The following CPA6 variants were observed in gnomAD, a reference collection of about 807,000 sequenced individuals.
CPA6 encodes carboxypeptidase B.
In CPA6, 58 loss-of-function variants were observed where a neutral mutation model predicts 63.3. The ratio of observed to expected loss-of-function variants is 0.92; its 90% CI spans 0.74 to 1.14. The LOEUF is 1.14. Among genes scored for constraint, CPA6 ranks in the 50% most tolerant of loss-of-function variants. The pLI, the probability that CPA6 is intolerant of heterozygous loss-of-function variation, is 0.00. For synonymous variants in CPA6, 185 were observed against 179.0 expected, an observed-to-expected ratio of 1.03 and a Z score of -0.27; for missense variants, 565 against 526.6, an observed-to-expected ratio of 1.07 and a Z score of -0.71.
chr8:67,475,469 A>G (rs913654716), intron 8 of CPA6, among the ~76,000 whole-genome samples: 3 of 152,254 alleles, frequency 2.0e-5, no homozygotes, highest in Non-Finnish European at 4.4e-5. Context: ...ACAGTTCTCA[A>G]AAATGTTCCT....
chr8:67,558,701 A>G (rs889042322), intron 2 of CPA6, among the ~76,000 whole-genome samples: 8 of 150,746 alleles, frequency 5.3e-5, no homozygotes, highest in Non-Finnish European at 7.4e-5. Context: ...AGACACTGTC[A>G]ATACAAGAGT....
At chr8:67,544,542 A>G (rs989290770) in intron 2 of CPA6, among the ~76,000 whole-genome samples, 15 of 152,356 alleles carry the variant, frequency 9.8e-5, no homozygotes, top group African/African-American at 3.6e-4. Flanking sequence ...CACCAAAAAC[A>G]GATGTCCCAT....
chr8:67,514,251 C>T (rs1812099727), intron 3 of CPA6, among the ~76,000 whole-genome samples: 1 of 152,042 alleles, frequency 6.6e-6, no homozygotes, highest in Admixed American at 6.6e-5. Flanking sequence ...AGCCACCACG[C>T]CTGATCAAAA....
chr8:67,565,854 A>G (rs371860578), intron 2 of CPA6, among the ~76,000 whole-genome samples: 3 of 152,262 alleles, frequency 2.0e-5, no homozygotes, highest in East Asian at 1.9e-4. Context: ...AAAGCTTTCA[A>G]AAAAATATCA....
rs1170677945 is a variant in CPA6, at chr8:67,475,855, CTT to C, written c.838+7911_838+7912del. ...TCTTTCTTTCTTTCTTTCTTTCTTTCTTTCTTTCTTTCTTTCTTTCTTTCTCC... is the reference window on the plus strand; with the variant it reads ...TCTTTCTTTCTTTCTTTCTTTCTTTCTCTTTCTTTCTTTCTTTCTTTCTCC... On this transcript the variant is annotated intron_variant, in intron 8 of 10. Transcript: ENST00000297770. Among the ~76,000 whole-genome samples, 248 of 75,806 alleles carry C rather than the reference CTT, an allele frequency of 3.3e-3. 2 individuals are homozygous for C. Among genetic ancestry groups the C allele is most frequent in the Middle Eastern group, 6.9e-3 (1 of 144 alleles). 49.7% of individuals were successfully genotyped at this position (75,806 alleles called of 152,430 possible).
chr8:67,569,501 C>A, intron 2 of CPA6: 2 of 416,002 alleles, frequency 4.8e-6, no homozygotes, highest in South Asian at 2.1e-5. Context: ...GTAACAGAAT[C>A]TAACAGTGAT....
At chr8:67,581,397 T>C (rs201876747) in intron 2 of CPA6, among the ~76,000 whole-genome samples, 1 of 152,304 alleles carries the variant, frequency 6.6e-6, no homozygotes, top group East Asian at 1.9e-4. Flanking sequence ...ATAGTGCTAG[T>C]TGATTAATAC....
chr8:67,626,565 T>C (rs115252615), intron 1 of CPA6, among the ~76,000 whole-genome samples: 2,738 of 152,308 alleles, frequency 0.018, 84 homozygotes, highest in African/African-American at 0.06. Context: ...GAAAAAATTG[T>C]CAAGTCACTG....
At chr8:67,503,967 T>TAA (rs141956784) in intron 6 of CPA6, among the ~76,000 whole-genome samples, 12,228 of 152,082 alleles carry the variant, frequency 0.08, 1,192 homozygotes, top group African/African-American at 0.23. Context: ...TGTGTTCTCA[T>TAA]TGTTCAACTC....
At chr8:67,677,263 A>G (rs1297499868) in intron 1 of CPA6, among the ~76,000 whole-genome samples, 1 of 151,864 alleles carries the variant, frequency 6.6e-6, no homozygotes. Flanking sequence ...AGTGATTTCT[A>G]TCTGTTCCAC....
chr8:67,560,347 A>T (rs901293966), intron 2 of CPA6, among the ~76,000 whole-genome samples: 1 of 152,114 alleles, frequency 6.6e-6, no homozygotes, highest in Non-Finnish European at 1.5e-5. Flanking sequence ...CCTCAGTGGG[A>T]CAAAGCTACA....
intron 1 of CPA6, among the ~76,000 whole-genome samples, chr8:67,737,500 T>A (rs1374143333): frequency 6.6e-6 from 1 of 152,194 alleles, no homozygotes; most frequent in African/African-American, 2.4e-5. Context: ...TGGCCTTCTG[T>A]CCATTCTTCA....
In CPA6 at chr8:67,670,466, A is replaced by G. The variant is rs771885447; in HGVS notation, c.117-46215T>C. Reference sequence around the variant, plus strand: ...GCTTACAATTTGCCATGAGATTTGGACGGGGACACAGATCCAAACCATAGC... The same window carrying G: ...GCTTACAATTTGCCATGAGATTTGGGCGGGGACACAGATCCAAACCATAGC... On this transcript the variant is annotated intron_variant, in intron 1 of 10. Transcript: ENST00000297770. Among the ~76,000 whole-genome samples, 10 of 152,256 alleles carry G rather than the reference A, an allele frequency of 6.6e-5. 1 individual carries two copies. Among genetic ancestry groups the G allele is most frequent in the Non-Finnish European group, 8.8e-5 (6 of 68,000 alleles).
intron 1 of CPA6, among the ~76,000 whole-genome samples, chr8:67,733,426 C>T (rs1817753832): frequency 2.6e-5 from 4 of 151,840 alleles, no homozygotes; most frequent in Admixed American, 2.6e-4. Flanking sequence ...CTCCTCTTTC[C>T]CACGCGTGGA....
intron 1 of CPA6, among the ~76,000 whole-genome samples, chr8:67,654,284 T>C (rs1480373311): frequency 2.0e-5 from 3 of 152,228 alleles, no homozygotes; most frequent in African/African-American, 4.8e-5. Context: ...GGATTCCCTC[T>C]TTTTCTATTG....
At chr8:67,742,687 CTCCA>C (rs1190944867) in intron 1 of CPA6, among the ~76,000 whole-genome samples, 6 of 152,114 alleles carry the variant, frequency 3.9e-5, no homozygotes, top group Non-Finnish European at 7.3e-5. Flanking sequence ...CTAATATTAC[CTCCA>C]TTGTCCAAGA....
chr8:67,600,356 G>A (rs1480725902), intron 2 of CPA6, among the ~76,000 whole-genome samples: 1 of 151,764 alleles, frequency 6.6e-6, no homozygotes, highest in East Asian at 1.9e-4. Context: ...CTAGGAGCTG[G>A]GGGTGGGTTG....
At chr8:67,451,183 G>C (rs1456941273) in intron 8 of CPA6, among the ~76,000 whole-genome samples, 1 of 152,188 alleles carries the variant, frequency 6.6e-6, no homozygotes, top group African/African-American at 2.4e-5. Flanking sequence ...CCAGTCCATG[G>C]CTTACTAGGA....
In CPA6 at chr8:67,559,274, G is replaced by C. The variant is rs549528933; in HGVS notation, c.193-41227C>G. On this transcript the variant is annotated intron_variant, in intron 2 of 10. Transcript: ENST00000297770. The stretch of plus-strand genomic sequence containing the variant: ...ATCAGTATCAAATTTTATCTAGACT[G>C]TTCAGGGAATGATTTTCCAGGGATA... 1.2e-4 allele frequency among the ~76,000 whole-genome samples: 19 copies of C among 152,198 alleles called. No individual in the cohort carries two copies. The South Asian group carries it at 3.7e-3, about 30-fold the overall frequency.
Sources: allele counts gnomAD v4.1 joint callset (sites outside exome capture counted in the v4.1 genomes callset), GRCh38; gene constraint gnomAD v4.1.1; transcripts MANE v1.5; gene names NCBI Gene and HGNC (gene_info 2026-07-23, HGNC 2026-07-21).